Variants in OGFR observed in about 807,000 individuals in gnomAD.
The protein encoded by OGFR is opioid growth factor receptor, also known as protein 7-60.
Under a neutral mutation model 33.6 loss-of-function variants are expected in OGFR, and 18 were observed. That is an observed-to-expected ratio of 0.54 (90% CI 0.37 to 0.80). The LOEUF is 0.80. Ranked by LOEUF, OGFR falls within the 30% of genes least tolerant of loss-of-function variation. The pLI is 0.00. For missense variants in OGFR, 877 were observed against 955.8 expected (o/e 0.92, Z 1.09); for synonymous variants, 370 against 400.7 (o/e 0.92, Z 0.91).
In OGFR at chr20:62,808,203, T is replaced by C. The variant is rs749074226; in HGVS notation, c.241-44T>C. On this transcript the variant is annotated intron_variant, in intron 2 of 6. Transcript: ENST00000290291. ...AGACACGGAGGGCCCCAGGGCAGCT[T>C]GTGTCTGATGGATCCCTGCTGTCCC... 4 of 1,474,596 alleles carry C rather than the reference T, an allele frequency of 2.7e-6. No individual in the cohort carries two copies. The Admixed American group carries it at 5.0e-5, about 18-fold the overall frequency. The allele number at this position is 1,474,596 out of a possible 1,614,324, so 91.3% of individuals were successfully genotyped here.
rs573592553 is a variant in OGFR, at chr20:62,813,632, A to T, written c.2017A>T (p.Lys673Ter). 7 of 1,612,594 alleles carry T rather than the reference A, an allele frequency of 4.3e-6. No individual in the cohort carries two copies. The highest frequency in any genetic ancestry group is 2.5e-6 in the Non-Finnish European group (3 of 1,179,780). ...GGACGCAGAGGTGGAGTCTTCTGCC[A>T]AGTCTGGGAAGCCTTAAGGAAAGGA... ...LQDAEVESSAKSGKP is the reference protein window; with the variant it reads ...LQDAEVESSA Residue 673 changes from lysine (K) to a stop codon, truncating the protein, a stop_gained, in exon 7 of 7, where the codon AAG becomes TAG. Coordinates refer to ENST00000290291, the MANE Select transcript of OGFR (RefSeq NM_007346.4). LOFTEE classifies it high-confidence loss of function.
In OGFR at chr20:62,812,291, G is replaced by A. The variant is rs772103301; in HGVS notation, c.676G>A (p.Glu226Lys). 2.4e-5 allele frequency: 37 copies of A among 1,543,074 alleles called. No homozygotes were observed. The highest frequency in any genetic ancestry group is 2.6e-5 in the Non-Finnish European group (30 of 1,144,822). ...CAAGTCGCTGGGTGAGCTGGGCCTC[G>A]AGCACTTCCAGGCGCCGCTGGTCCG... Reference protein sequence around the residue: ...ILKSLGELGLEHFQAPLVRFF... With the variant: ...ILKSLGELGLKHFQAPLVRFF... Residue 226 changes from glutamate to lysine, a missense_variant, in exon 7 of 7, where the codon GAG becomes AAG. This residue lies in a region of OGFR where 760 missense variants were observed against 736.0 expected (regional missense o/e 1.03). Coordinates refer to ENST00000290291, the MANE Select transcript of OGFR (RefSeq NM_007346.4).
Position 62,810,499 on chromosome 20 carries a change from G to A in OGFR, c.399G>A (p.Trp133Ter), listed in dbSNP as rs752524336. The change falls in exon 5 of 7, where the codon TGG (tryptophan) becomes TGA (stop). Residue 133 changes from tryptophan (W) to a stop codon, truncating the protein, a stop_gained and splice_region_variant. Coordinates refer to ENST00000290291, the MANE Select transcript of OGFR (RefSeq NM_007346.4). LOFTEE classifies it high-confidence loss of function. ...LLEDNHSYIQWLFPLREPGVN... is the reference protein window; with the variant it reads ...LLEDNHSYIQ The stretch of plus-strand genomic sequence containing the variant: ...TGCCTGAGCATCTCTTCTCCTGCAG[G>A]CTGTTTCCTCTGCGAGAACCAGGAG... 6 of 1,613,100 alleles carry A rather than the reference G, an allele frequency of 3.7e-6. No individual in the cohort carries two copies. Among genetic ancestry groups the A allele is most frequent in the Non-Finnish European group, 8.5e-7 (1 of 1,179,824 alleles).
chr20:62,807,853 A>G, intron 2 of OGFR: 1 of 601,874 alleles, frequency 1.7e-6, no homozygotes. Flanking sequence ...AAACATGGCC[A>G]TAGTGCCAGC....
intron 1 of OGFR, 55 bp downstream of exon 1, chr20:62,805,085 T>C (rs1600770258): frequency 6.3e-6 from 8 of 1,262,032 alleles, no homozygotes; most frequent in East Asian, 3.2e-5. Context: ...CCCGCCCGGC[T>C]GCGTGGACGG....
intron 2 of OGFR, chr20:62,807,811 C>G: frequency 1.6e-6 from 1 of 613,098 alleles, no homozygotes; most frequent in Non-Finnish European, 2.9e-6. Context: ...CATCCCCCTA[C>G]TTTTCTGAGC....
Position 62,810,556 on chromosome 20 carries a change from G to A in OGFR, c.456G>A (p.Arg152=). The A allele has an allele frequency of 1.9e-6, 3 of 1,612,806 alleles. No homozygotes were observed. The highest frequency in any genetic ancestry group is 2.5e-6 in the Non-Finnish European group (3 of 1,179,838). Reference sequence around the variant, plus strand: ...GGCATGCCAAGCCCCTCACGCTCAGGGAGGTCGAGGTGAGCCAGGCCTTGG... The same window carrying A: ...GGCATGCCAAGCCCCTCACGCTCAGAGAGGTCGAGGTGAGCCAGGCCTTGG... ...VNWHAKPLTL[R]EVEVFKSSQE... Residue 152 remains arginine (R), a synonymous_variant, in exon 5 of 7, where the codon AGG becomes AGA. Coordinates refer to ENST00000290291, the MANE Select transcript of OGFR (RefSeq NM_007346.4).
Position 62,807,621 on chromosome 20 carries a change from T to C in OGFR, c.240+16T>C, listed in dbSNP as rs371889264. The C allele has an allele frequency of 1.2e-6, 2 of 1,610,238 alleles. No individual in the cohort carries two copies. The highest frequency in any genetic ancestry group is 4.5e-5 in the East Asian group (2 of 44,844). On this transcript the variant is annotated intron_variant, in intron 2 of 6. Coordinates refer to ENST00000290291, the MANE Select transcript of OGFR (RefSeq NM_007346.4). ...CAACTATCCGGTACGTACCTGCCCC[T>C]GCCCCGGGACACAGAACCCTCCCGC...
intron 1 of OGFR, chr20:62,806,704 C>T (rs992825127): frequency 6.6e-6 from 1 of 152,306 alleles, no homozygotes; most frequent in African/African-American, 2.4e-5. Flanking sequence ...ATCCTGGGTC[C>T]CAATTGTTGC....
chr20:62,804,906 A>G lies in OGFR; in HGVS notation c.47A>G (p.Asp16Gly). ...TCCACCTGGGAGGAGGACGAGGAGG[A>G]TGCGGAGGACGCGGAGGACGAGGAC... ...CDSTWEEDEE[D>G]AEDAEDEDCE... Residue 16 changes from aspartate to glycine, a missense_variant, in exon 1 of 7, where the codon GAT becomes GGT. By Grantham distance (94) the Asp-to-Gly change is moderately conservative. Coordinates refer to ENST00000290291, the MANE Select transcript of OGFR (RefSeq NM_007346.4). 2.0e-6 allele frequency: 3 copies of G among 1,493,942 alleles called. No homozygotes were observed. Among genetic ancestry groups the G allele is most frequent in the Non-Finnish European group, 2.7e-6 (3 of 1,122,138 alleles). 92.5% of individuals were successfully genotyped at this position (1,493,942 alleles called of 1,614,324 possible).
intron 2 of OGFR, chr20:62,807,878 G>C: frequency 1.7e-6 from 1 of 600,596 alleles, no homozygotes; most frequent in South Asian, 2.0e-5. Flanking sequence ...TGATGCACAC[G>C]TGTGGGGTCC....
At position 62,812,644 on chromosome 20, in the gene OGFR, G is replaced by A. The variant is rs376202769; in HGVS notation, c.1029G>A (p.Glu343=). The change falls in exon 7 of 7, where the codon GAG becomes GAA. Residue 343 remains glutamate (E), a synonymous_variant. Transcript: ENST00000290291. ...EHSKGGGRVD[E]GPQPRSVEPQ... ...GCAAGGGTGGGGGCAGGGTGGACGA[G>A]GGGCCCCAGCCACGGAGCGTGGAGC... The A allele has an allele frequency of 2.1e-4, 322 of 1,560,784 alleles. 1 individual carries two copies. The highest frequency in any genetic ancestry group is 2.7e-4 in the Non-Finnish European group (312 of 1,153,658).
chr20:62,812,118 G>C (rs983505630), intron 6 of OGFR, 112 bp from the exon 7 acceptor site: 2 of 889,474 alleles, frequency 2.2e-6, no homozygotes, highest in Admixed American at 3.1e-5. Flanking sequence ...CTGAATCGTG[G>C]GCCAGGGTGG....
At chr20:62,808,426 C>T in intron 3 of OGFR, 101 bp downstream of exon 3, 2 of 849,780 alleles carry the variant, frequency 2.4e-6, no homozygotes, top group Non-Finnish European at 3.9e-6. Flanking sequence ...ATTACCAGGG[C>T]CACGGCTTTC....
At chr20:62,807,166 G>A in intron 1 of OGFR, 1 of 274,370 alleles carries the variant, frequency 3.6e-6, no homozygotes, top group South Asian at 5.0e-5. Context: ...GGTGGAGGTG[G>A]CCAGCAGGCC....
Position 62,812,235 on chromosome 20 carries a change from G to C in OGFR, c.620G>C (p.Ser207Thr), listed in dbSNP as rs1270775439. 31 of 1,502,678 alleles carry C rather than the reference G, an allele frequency of 2.1e-5. No homozygotes were observed. The highest frequency in any genetic ancestry group is 2.7e-5 in the Non-Finnish European group (30 of 1,122,306). The allele number at this position is 1,502,678 out of a possible 1,614,324, so 93.1% of individuals were successfully genotyped here. A position where few individuals can be genotyped will look rare whatever the true frequency, so the allele number is the denominator to read the frequency against. The change falls in exon 7 of 7, where the codon AGC becomes ACC. Residue 207 changes from serine (S) to threonine (T), a missense_variant. Ser to Thr is a moderately conservative substitution (Grantham distance 58). Transcript: ENST00000290291. ...CTGACCCGGATCTCTCGCAGGCGCA[G>C]CCACAACAACCTCCGCATCACACGC... ...QKRFQNLNWRSHNNLRITRIL... is the reference protein window; with the variant it reads ...QKRFQNLNWRTHNNLRITRIL...
At position 62,807,521 on chromosome 20, in the gene OGFR, T is replaced by C; in HGVS notation, c.172-16T>C. The stretch of plus-strand genomic sequence containing the variant: ...GTCTCCCATGGGGGTCCTAATCCCA[T>C]CTCTTTTCTTCCCAGTCCAGAATGA... On this transcript the variant is annotated splice_polypyrimidine_tract_variant and intron_variant, in intron 1 of 6. Coordinates refer to ENST00000290291, the MANE Select transcript of OGFR (RefSeq NM_007346.4). 1 of 1,611,448 alleles carries C rather than the reference T, an allele frequency of 6.2e-7. No individual in the cohort carries two copies. The highest frequency in any genetic ancestry group is 8.5e-7 in the Non-Finnish European group (1 of 1,179,034).
chr20:62,812,249 C>T lies in OGFR; in HGVS notation c.634C>T (p.Arg212Cys), dbSNP rs1030189708. 8 of 1,517,854 alleles carry T rather than the reference C, an allele frequency of 5.3e-6. No individual in the cohort carries two copies. The highest frequency in any genetic ancestry group is 1.4e-5 in the African/African-American group (1 of 71,894). The allele number at this position is 1,517,854 out of a possible 1,614,324, so 94.0% of individuals were successfully genotyped here. A position where few individuals can be genotyped will look rare whatever the true frequency, so the allele number is the denominator to read the frequency against. ...TCGCAGGCGCAGCCACAACAACCTC[C>T]GCATCACACGCATCCTCAAGTCGCT... is the stretch of plus-strand genomic sequence containing the variant. ...NLNWRSHNNLRITRILKSLGE... is the reference protein window; with the variant it reads ...NLNWRSHNNLCITRILKSLGE... The change falls in exon 7 of 7, where the codon CGC becomes TGC. Residue 212 changes from arginine to cysteine, a missense_variant. By Grantham distance (180) the Arg-to-Cys change is radical (BLOSUM62 -3). Around this residue, in one of 3 missense-constraint regions of OGFR, gnomAD observed 760 missense variants for 736.0 expected, o/e 1.03. Coordinates refer to ENST00000290291, the MANE Select transcript of OGFR (RefSeq NM_007346.4).
chr20:62,806,602 G>A (rs746883487), intron 1 of OGFR: 4 of 152,170 alleles, frequency 2.6e-5, no homozygotes, highest in Non-Finnish European at 4.4e-5. Flanking sequence ...AGGCAGAGAG[G>A]CAACGCCAGG....
Sources: gnomAD v4.1 joint callset for allele counts on GRCh38, gnomAD v4.1.1 for gene constraint, gnomAD v4.1.1 regional missense constraint, MANE v1.5 for transcripts, NCBI Gene and HGNC (gene_info 2026-07-23, HGNC 2026-07-21) for gene names.